Variants in CNTNAP5 observed in about 807,000 individuals in gnomAD.
CNTNAP5 encodes the protein contactin associated protein family member 5.
CNTNAP5 carries 72 observed loss-of-function variants against 150.2 expected under a neutral mutation model. That is an observed-to-expected ratio of 0.48 (90% CI 0.40 to 0.58). The LOEUF (loss-of-function observed/expected upper bound fraction) is 0.58, where lower values mean the gene tolerates loss of function less well. Among genes scored for constraint, CNTNAP5 ranks in the 20% least tolerant of loss-of-function variants. CNTNAP5 has a pLI of 0.00. For synonymous variants in CNTNAP5, 672 were observed against 619.8 expected (o/e 1.08, Z -1.25); for missense variants, 1,636 against 1,626.2 (o/e 1.01, Z -0.10).
At chr2:124,789,028 G>A in intron 17 of CNTNAP5, among the ~76,000 whole-genome samples, 1 of 152,102 alleles carries the variant, frequency 6.6e-6, no homozygotes, top group East Asian at 1.9e-4. Context: ...TAATTCCATG[G>A]TCAATATGGC....
intron 3 of CNTNAP5, among the ~76,000 whole-genome samples, chr2:124,384,368 G>A (rs992151609): frequency 1.4e-4 from 21 of 152,168 alleles, no homozygotes; most frequent in African/African-American, 4.8e-4. Flanking sequence ...ATATGTTATT[G>A]TAGTAGGAAA....
chr2:124,569,088 A>G (rs955369566), intron 11 of CNTNAP5, among the ~76,000 whole-genome samples: 2 of 152,010 alleles, frequency 1.3e-5, no homozygotes, highest in Non-Finnish European at 1.5e-5. Flanking sequence ...TTCTAATACC[A>G]CAAGTTCTAT....
chr2:124,582,022 C>A (rs1004082416), intron 11 of CNTNAP5, among the ~76,000 whole-genome samples: 6 of 152,174 alleles, frequency 3.9e-5, no homozygotes, highest in African/African-American at 1.4e-4. Flanking sequence ...ATGGTGAAAT[C>A]TCTCTCTACT....
At chr2:124,339,923 C>A (rs1280534659) in intron 3 of CNTNAP5, among the ~76,000 whole-genome samples, 1 of 151,966 alleles carries the variant, frequency 6.6e-6, no homozygotes, top group African/African-American at 2.4e-5. Flanking sequence ...ACAAGTCTTG[C>A]TGGCGTCAGT....
At chr2:124,746,775 T>C (rs78084689) in intron 13 of CNTNAP5, among the ~76,000 whole-genome samples, 4,303 of 152,244 alleles carry the variant, frequency 0.028, 213 homozygotes, top group African/African-American at 0.099. Flanking sequence ...TTATTATTTT[T>C]TGAAATTCAT....
intron 1 of CNTNAP5, among the ~76,000 whole-genome samples, chr2:124,114,591 G>C (rs1435627106): frequency 6.6e-6 from 1 of 151,276 alleles, no homozygotes. Context: ...TTTCCTTTCT[G>C]GTCCTAATAT....
rs572016901 is a variant in CNTNAP5, at chr2:124,765,603, C to T, written c.2533+1456C>T. ...CATACTAATTTGAAGTTTATATATA[C>T]ATTGTTAAAAATTAACAGTAGTGTC... On this transcript the variant is annotated intron_variant, in intron 16 of 23. Transcript: ENST00000682447. 3.9e-5 allele frequency among the ~76,000 whole-genome samples: 6 copies of T among 152,148 alleles called. No individual in the cohort carries two copies. The South Asian group carries it at 1.2e-3, about 32-fold the overall frequency.
At chr2:124,458,488 A>G (rs1359714378) in intron 6 of CNTNAP5, among the ~76,000 whole-genome samples, 1 of 151,616 alleles carries the variant, frequency 6.6e-6, no homozygotes, top group African/African-American at 2.4e-5. Flanking sequence ...AAGGCATGGG[A>G]AAGACACCGT....
At chr2:124,373,482 G>T (rs930331922) in intron 3 of CNTNAP5, among the ~76,000 whole-genome samples, 1 of 151,990 alleles carries the variant, frequency 6.6e-6, no homozygotes, top group South Asian at 2.1e-4. Flanking sequence ...AGGAACTAAA[G>T]TGGTGCCACG....
chr2:124,847,498 G>C lies in CNTNAP5; in HGVS notation c.3218-17808G>C, dbSNP rs1371116310. Among the ~76,000 whole-genome samples, 11 of 152,276 alleles carry C rather than the reference G, an allele frequency of 7.2e-5. No homozygotes were observed. The East Asian group carries it at 2.1e-3, about 29-fold the overall frequency. ...TCCAACAGCATCGAGTCTATATCCAGGCAGCCAGAGACCAGGGCTGAGAAC... is the reference window on the plus strand; with the variant it reads ...TCCAACAGCATCGAGTCTATATCCACGCAGCCAGAGACCAGGGCTGAGAAC... On this transcript the variant is annotated intron_variant, in intron 19 of 23. Coordinates refer to ENST00000682447, the MANE Select transcript of CNTNAP5 (RefSeq NM_001367498.1).
At chr2:124,165,926 G>A (rs1684803128) in intron 1 of CNTNAP5, among the ~76,000 whole-genome samples, 1 of 152,122 alleles carries the variant, frequency 6.6e-6, no homozygotes, top group South Asian at 2.1e-4. Flanking sequence ...CATTCATTTA[G>A]ACACAACCCC....
At chr2:124,505,859 C>T (rs1199428601) in intron 8 of CNTNAP5, among the ~76,000 whole-genome samples, 1 of 152,176 alleles carries the variant, frequency 6.6e-6, no homozygotes, top group South Asian at 2.1e-4. Context: ...TCAGAAGTCT[C>T]CCTGAATAAA....
chr2:124,827,545 C>A (rs558385873), intron 19 of CNTNAP5, among the ~76,000 whole-genome samples: 1 of 152,266 alleles, frequency 6.6e-6, no homozygotes, highest in South Asian at 2.1e-4. Flanking sequence ...GAGACTTAAC[C>A]CACATGACAG....
chr2:124,355,464 A>C (rs1573936777), intron 3 of CNTNAP5, among the ~76,000 whole-genome samples: 1 of 152,234 alleles, frequency 6.6e-6, no homozygotes, highest in South Asian at 2.1e-4. Context: ...TGTGTTAGCA[A>C]ACAGCCTCCC....
At chr2:124,647,165 G>A (rs1428336133) in intron 12 of CNTNAP5, among the ~76,000 whole-genome samples, 2 of 118,980 alleles carry the variant, frequency 1.7e-5, no homozygotes, top group African/African-American at 5.7e-5. Context: ...ATCTTTCATT[G>A]TAAATCTTCC....
chr2:124,206,110 C>A (rs564283703), intron 1 of CNTNAP5, among the ~76,000 whole-genome samples: 173 of 152,142 alleles, frequency 1.1e-3, no homozygotes, highest in Non-Finnish European at 1.9e-3. Flanking sequence ...ATGGATCAAC[C>A]AAGTGTTCTG....
chr2:124,564,555 C>T (rs941782113), intron 11 of CNTNAP5, among the ~76,000 whole-genome samples: 1 of 152,046 alleles, frequency 6.6e-6, no homozygotes, highest in Non-Finnish European at 1.5e-5. Context: ...GGGGTTTCAC[C>T]GTGTTGGCCA....
intron 13 of CNTNAP5, among the ~76,000 whole-genome samples, chr2:124,737,383 C>G (rs1252269276): frequency 6.6e-6 from 1 of 151,996 alleles, no homozygotes; most frequent in African/African-American, 2.4e-5. Flanking sequence ...TTTCAGGACC[C>G]AGTGAAAGAC....
At chr2:124,368,693 T>C (rs1690438663) in intron 3 of CNTNAP5, among the ~76,000 whole-genome samples, 1 of 152,126 alleles carries the variant, frequency 6.6e-6, no homozygotes, top group South Asian at 2.1e-4. Flanking sequence ...AAAAACAAGA[T>C]GTAAAACAGA....
Sources: allele counts gnomAD v4.1 joint callset (sites outside exome capture counted in the v4.1 genomes callset), GRCh38; gene constraint gnomAD v4.1.1; transcripts MANE v1.5; gene names NCBI Gene and HGNC (gene_info 2026-07-23, HGNC 2026-07-21).